The following CPO variants were observed in gnomAD, a reference collection of about 807,000 sequenced individuals.
CPO encodes carboxypeptidase O.
Under a neutral mutation model 41.2 loss-of-function variants are expected in CPO, and 43 were observed. The ratio of observed to expected loss-of-function variants is 1.04; its 90% CI spans 0.82 to 1.35. The LOEUF (loss-of-function observed/expected upper bound fraction) is 1.35. Among genes scored for constraint, CPO ranks in the 40% most tolerant of loss-of-function variants. CPO has a pLI of 0.00. For synonymous variants in CPO, 178 were observed against 162.7 expected, an observed-to-expected ratio of 1.09 and a Z score of -0.72; for missense variants, 408 against 451.7, an observed-to-expected ratio of 0.90 and a Z score of 0.88.
intron 1 of CPO, 59 bp from the exon 2 acceptor site, chr2:206,949,558 A>T: frequency 7.9e-7 from 1 of 1,266,138 alleles, no homozygotes; most frequent in South Asian, 1.2e-5. Context: ...ACAACCCGCC[A>T]ACCCTCAGGA....
chr2:206,968,934 C>T (rs912420115), intron 8 of CPO, among the ~76,000 whole-genome samples: 1 of 152,194 alleles, frequency 6.6e-6, no homozygotes, highest in Non-Finnish European at 1.5e-5. Context: ...TTTAGCCAAA[C>T]CTTTCTATGT....
intron 7 of CPO, among the ~76,000 whole-genome samples, chr2:206,966,863 G>C (rs73983132): frequency 0.011 from 1,711 of 152,242 alleles, 31 homozygotes; most frequent in African/African-American, 0.037. Flanking sequence ...CTTCCTTACT[G>C]CCTTTTGGCC....
At chr2:206,960,774 C>T (rs1454658938) in intron 5 of CPO, 78 bp from the exon 6 acceptor site, 2 of 1,004,670 alleles carry the variant, frequency 2.0e-6, no homozygotes, top group Admixed American at 3.6e-5. Flanking sequence ...TTTTCATGTT[C>T]AAGGACCACC....
intron 2 of CPO, among the ~76,000 whole-genome samples, chr2:206,953,597 A>G (rs1172978978): frequency 2.0e-5 from 3 of 152,206 alleles, no homozygotes; most frequent in African/African-American, 7.2e-5. Flanking sequence ...GAGTGTCTGC[A>G]GTTCTTCCAG....
At chr2:206,941,411 A>C (rs1693027735) in intron 1 of CPO, among the ~76,000 whole-genome samples, 1 of 152,086 alleles carries the variant, frequency 6.6e-6, no homozygotes, top group Non-Finnish European at 1.5e-5. Context: ...AAAAATATGT[A>C]CTAAAATGGT....
At chr2:206,957,073 A>G (rs1394808936) in intron 3 of CPO, among the ~76,000 whole-genome samples, 1 of 152,170 alleles carries the variant, frequency 6.6e-6, no homozygotes, top group East Asian at 1.9e-4. Context: ...GTACTCATAA[A>G]AAGGCTAATT....
chr2:206,967,517 C>T (rs1251205122), intron 7 of CPO, among the ~76,000 whole-genome samples: 3 of 151,920 alleles, frequency 2.0e-5, no homozygotes, highest in Non-Finnish European at 4.4e-5. Flanking sequence ...CTTGGAGAAG[C>T]TGGCATTTGA....
intron 7 of CPO, 85 bp from the exon 8 acceptor site, chr2:206,968,178 A>T: frequency 1.1e-6 from 1 of 927,776 alleles, no homozygotes; most frequent in Non-Finnish European, 1.8e-6. Flanking sequence ...AACTCTGGAG[A>T]TGAATCTGGA....
intron 1 of CPO, among the ~76,000 whole-genome samples, chr2:206,941,972 G>A (rs183682749): frequency 2.6e-5 from 4 of 152,048 alleles, no homozygotes; most frequent in African/African-American, 9.6e-5. Context: ...TTTCTGGAAC[G>A]TAGCTCAAGG....
chr2:206,969,127 C>CT lies in CPO; in HGVS notation c.863-45dup, dbSNP rs1301219590. ...CCTGAAATGGCTATAGAAATCCATT[C>CT]TTCCAAAGTATGACTTCTACCTCTG... On this transcript the variant is annotated intron_variant, in intron 8 of 8. Transcript: ENST00000272852. 4 of 1,592,358 alleles carry CT rather than the reference C, an allele frequency of 2.5e-6. No homozygotes were observed. The African/African-American group carries it at 5.4e-5, about 21-fold the overall frequency.
At chr2:206,953,033 A>T (rs1482207526) in intron 2 of CPO, among the ~76,000 whole-genome samples, 1 of 152,056 alleles carries the variant, frequency 6.6e-6, no homozygotes, top group Non-Finnish European at 1.5e-5. Flanking sequence ...TGATTCAATT[A>T]CCTCCCACCA....
intron 1 of CPO, among the ~76,000 whole-genome samples, chr2:206,943,706 A>AGATGATGGAT (rs1486177333): frequency 1.3e-5 from 1 of 75,164 alleles, no homozygotes; most frequent in Non-Finnish European, 3.1e-5. Flanking sequence ...ATAGATAGAT[A>AGATGATGGAT]GATAGATAGA....
At chr2:206,955,960 C>T (rs1693350076) in intron 3 of CPO, among the ~76,000 whole-genome samples, 1 of 151,734 alleles carries the variant, frequency 6.6e-6, no homozygotes, top group Non-Finnish European at 1.5e-5. Flanking sequence ...GTTTAAAAAC[C>T]ACAGATAATC....
At chr2:206,950,755 A>G (rs1328232980) in intron 2 of CPO, among the ~76,000 whole-genome samples, 1 of 152,156 alleles carries the variant, frequency 6.6e-6, no homozygotes, top group Non-Finnish European at 1.5e-5. Context: ...ATAAAAAAGG[A>G]TGAGTTCATG....
At position 206,969,420 on chromosome 2, in the gene CPO, G is replaced by A; in HGVS notation, c.1109G>A (p.Cys370Tyr). 6.2e-7 allele frequency: 1 copy of A among 1,614,050 alleles called. No individual in the cohort carries two copies. The highest frequency in any genetic ancestry group is 8.5e-7 in the Non-Finnish European group (1 of 1,179,978). The change falls in exon 9 of 9, where the codon TGC becomes TAC. Residue 370 changes from cysteine (C) to tyrosine (Y), a missense_variant. Physicochemically the swap from Cys to Tyr is radical, Grantham distance 194. Coordinates refer to ENST00000272852, the MANE Select transcript of CPO (RefSeq NM_173077.3). ...ATMLLGLLVSCMSLL is the reference protein window; with the variant it reads ...ATMLLGLLVSYMSLL The stretch of plus-strand genomic sequence containing the variant: ...ATGCTGCTGGGCCTGCTGGTGTCCT[G>A]CATGTCTCTTCTCTAAGTGCATTCT...
intron 1 of CPO, among the ~76,000 whole-genome samples, chr2:206,949,072 G>A (rs1453163): frequency 0.14 from 12,434 of 87,036 alleles, 613 homozygotes; most frequent in East Asian, 0.28. Flanking sequence ...ATAAACCATT[G>A]CAAAAAAAAA....
At chr2:206,946,753 T>C (rs914969856) in intron 1 of CPO, among the ~76,000 whole-genome samples, 1 of 152,172 alleles carries the variant, frequency 6.6e-6, no homozygotes, top group Non-Finnish European at 1.5e-5. Context: ...TAAGCAATTA[T>C]AGCAAAGTTG....
chr2:206,944,755 C>T (rs1574345696), intron 1 of CPO, among the ~76,000 whole-genome samples: 2 of 151,914 alleles, frequency 1.3e-5, no homozygotes, highest in East Asian at 1.9e-4. Context: ...AAATCTAACT[C>T]TAAGTTTAAA....
intron 2 of CPO, among the ~76,000 whole-genome samples, chr2:206,953,064 G>A (rs1559071239): frequency 6.6e-6 from 1 of 152,060 alleles, no homozygotes; most frequent in Non-Finnish European, 1.5e-5. Flanking sequence ...ATGATATCTG[G>A]GGACTATAGA....
Sources: gnomAD v4.1 joint callset for allele counts (sites outside exome capture counted in the v4.1 genomes callset) on GRCh38, gnomAD v4.1.1 for gene constraint, MANE v1.5 for transcripts, NCBI Gene and HGNC (gene_info 2026-07-23, HGNC 2026-07-21) for gene names.